The following THBS1 variants were observed in gnomAD, a reference collection of about 807,000 sequenced individuals.
The protein encoded by THBS1 is thrombospondin 1.
Under a neutral mutation model 126.1 loss-of-function variants are expected in THBS1, and 29 were observed. That is an observed-to-expected ratio of 0.23 (90% confidence interval 0.17 to 0.31). The LOEUF is 0.31. Ranked by LOEUF, THBS1 falls within the 10% of genes least tolerant of loss-of-function variation. The pLI is 1.00. For missense variants in THBS1, 1,198 were observed against 1,545.2 expected (o/e 0.78, Z 3.77); for synonymous variants, 496 against 577.8 (o/e 0.86, Z 2.03).
At chr15:39,590,462 A>G (rs1890304852) in intron 13 of THBS1, 54 bp from the exon 14 acceptor site, 1 of 1,390,476 alleles carries the variant, frequency 7.2e-7, no homozygotes, top group African/African-American at 1.4e-5. Context: ...CTCGTGCATG[A>G]GCTCAGCATG....
chr15:39,592,507 G>A lies in THBS1; in HGVS notation c.2533-61G>A. 1 of 1,408,956 alleles carries A rather than the reference G, an allele frequency of 7.1e-7. No individual in the cohort carries two copies. Among genetic ancestry groups the A allele is most frequent in the South Asian group, 1.4e-5 (1 of 73,184 alleles). 87.3% of individuals were successfully genotyped at this position (1,408,956 alleles called of 1,614,324 possible). A position where few individuals can be genotyped will look rare whatever the true frequency, so the allele number is the denominator to read the frequency against. On this transcript the variant is annotated intron_variant, in intron 16 of 21. Transcript: ENST00000260356. This position sits in a 1 kb window ranked among gnomAD's most constrained non-coding sequence, Gnocchi z 4.3. ...AATTTTCCCTGTGGTGGGGGCATAA[G>A]TTATCTTTAACATGAATGGTTTATA...
Position 39,594,105 on chromosome 15 carries a change from A to T in THBS1, c.3274A>T (p.Thr1092Ser), listed in dbSNP as rs1372816536. The part of the protein sequence containing the change: ...HTGNTPGQVR[T>S]LWHDPRHIGW... ...CCTTTTCCTTTTCCTTCAGGTGCGCACCCTGTGGCATGACCCTCGTCACAT... is the reference window on the plus strand; with the variant it reads ...CCTTTTCCTTTTCCTTCAGGTGCGCTCCCTGTGGCATGACCCTCGTCACAT... The change falls in exon 20 of 22, where the codon ACC (threonine) becomes TCC (serine). Residue 1092 changes from threonine to serine, a missense_variant. Transcript: ENST00000260356. The surrounding 1 kb of genome is among the most constrained non-coding windows in gnomAD (Gnocchi z 4.4). The T allele has an allele frequency of 5.6e-6, 9 of 1,613,538 alleles. No individual in the cohort carries two copies. The highest frequency in any genetic ancestry group is 7.6e-6 in the Non-Finnish European group (9 of 1,179,734).
intron 6 of THBS1, among the ~76,000 whole-genome samples, chr15:39,584,934 C>A (rs560027035): frequency 1.3e-5 from 2 of 152,304 alleles, no homozygotes; most frequent in African/African-American, 4.8e-5. Context: ...TGGAGGTTCA[C>A]CTGGCTTATC....
Position 39,592,942 on chromosome 15 carries a change from AC to A in THBS1, c.2768-56del. On this transcript the variant is annotated intron_variant, in intron 17 of 21. Transcript: ENST00000260356. The surrounding 1 kb of genome is among the most constrained non-coding windows in gnomAD (Gnocchi z 4.3). ...TAGACAAGATAGTGACATTTCTGACACCAGTAATAATAATAGCACTTTAGAA... is the reference window on the plus strand; with the variant it reads ...TAGACAAGATAGTGACATTTCTGACACAGTAATAATAATAGCACTTTAGAA... The A allele has an allele frequency of 6.4e-7, 1 of 1,571,120 alleles. No homozygotes were observed. Among genetic ancestry groups the A allele is most frequent in the Non-Finnish European group, 8.7e-7 (1 of 1,147,518 alleles).
intron 1 of THBS1, chr15:39,581,598 T>C (rs1428519829): frequency 6.9e-6 from 3 of 435,596 alleles, no homozygotes; most frequent in Non-Finnish European, 1.2e-5. Context: ...ATTGTTGGTC[T>C]TGCGCCCCCC....
At position 39,592,978 on chromosome 15, in the gene THBS1, A is replaced by C. The variant is rs1890357011; in HGVS notation, c.2768-22A>C. 6.2e-7 allele frequency: 1 copy of C among 1,610,954 alleles called. No homozygotes were observed. The highest frequency in any genetic ancestry group is 1.7e-5 in the Admixed American group (1 of 59,910). ...TAATAGCACTTTAGAATTTTGCTGA[A>C]CTCTTGCTTTTTTGACCTCAGGCGA... On this transcript the variant is annotated intron_variant, in intron 17 of 21. Transcript: ENST00000260356. The surrounding 1 kb of genome is among the most constrained non-coding windows in gnomAD (Gnocchi z 4.3).
At position 39,594,780 on chromosome 15, in the gene THBS1, T is replaced by A. The variant is rs1391233002; in HGVS notation, c.3505+340T>A. Among the ~76,000 whole-genome samples, 1 of 152,244 alleles carries A rather than the reference T, an allele frequency of 6.6e-6. No homozygotes were observed. Among genetic ancestry groups the A allele is most frequent in the Non-Finnish European group, 1.5e-5 (1 of 68,040 alleles). ...TTATATATCTTACTGCTTATTGTTT[T>A]ATGCATGCCATCACAGCACGAGTTA... On this transcript the variant is annotated intron_variant, in intron 21 of 21. Coordinates refer to ENST00000260356, the MANE Select transcript of THBS1 (RefSeq NM_003246.4). This position sits in a 1 kb window ranked among gnomAD's most constrained non-coding sequence, Gnocchi z 4.4.
Position 39,588,591 on chromosome 15 carries a change from C to A in THBS1, c.1537C>A (p.Gln513Lys), listed in dbSNP as rs919410157. 1 of 1,609,460 alleles carries A rather than the reference C, an allele frequency of 6.2e-7. No homozygotes were observed. ...ICSVTCGGGVQKRSRLCNNPT... is the reference protein window; with the variant it reads ...ICSVTCGGGVKKRSRLCNNPT... Reference sequence around the variant, plus strand: ...TTCTGTCACCTGTGGAGGAGGGGTACAGAAACGTAGTCGTCTCTGCAACAA... The same window carrying A: ...TTCTGTCACCTGTGGAGGAGGGGTAAAGAAACGTAGTCGTCTCTGCAACAA... Residue 513 changes from glutamine (Q) to lysine (K), a missense_variant, in exon 10 of 22, where the codon CAG becomes AAG. Gln to Lys is a moderately conservative substitution (Grantham distance 53, BLOSUM62 1). Transcript: ENST00000260356.
intron 14 of THBS1, 171 bp from the exon 15 acceptor site, chr15:39,591,020 G>A (rs1890315951): frequency 1.3e-5 from 9 of 710,170 alleles, no homozygotes; most frequent in African/African-American, 1.8e-5. Context: ...TTTTAACTAT[G>A]TCCTTTTAAC....
In THBS1 at chr15:39,593,498, A is replaced by T. The variant is rs1303307527; in HGVS notation, c.3097A>T (p.Ser1033Cys). Residue 1033 changes from serine (S) to cysteine (C), a missense_variant, in exon 19 of 22, where the codon AGC becomes TGC. Ser to Cys is a moderately radical substitution (Grantham distance 112, BLOSUM62 -1). This residue lies in a region of THBS1 where 255 missense variants were observed against 373.9 expected (regional missense o/e 0.68). Transcript: ENST00000260356. This position sits in a 1 kb window ranked among gnomAD's most constrained non-coding sequence, Gnocchi z 5.9. ...ATTTGTCTTTGGCTACCAGTCCAGC[A>T]GCCGCTTTTATGTTGTGATGTGGAA... ...AGFVFGYQSS[S>C]RFYVVMWKQV... The T allele has an allele frequency of 1.9e-6, 3 of 1,614,104 alleles. No individual in the cohort carries two copies. Among genetic ancestry groups the T allele is most frequent in the Non-Finnish European group, 2.5e-6 (3 of 1,180,050 alleles).
intron 3 of THBS1, 116 bp from the exon 4 acceptor site, chr15:39,583,501 C>T: frequency 1.3e-6 from 1 of 789,182 alleles, no homozygotes; most frequent in South Asian, 2.2e-5. Flanking sequence ...TAAGACAGCT[C>T]TTTGAAGCTT....
At position 39,593,839 on chromosome 15, in the gene THBS1, C is replaced by T; in HGVS notation, c.3267+171C>T. Reference sequence around the variant, plus strand: ...AAACATAATAGTGTTGAAAAGGGAGCTTGACCAAGAATTGCCCTGCAAATC... The same window carrying T: ...AAACATAATAGTGTTGAAAAGGGAGTTTGACCAAGAATTGCCCTGCAAATC... On this transcript the variant is annotated intron_variant, in intron 19 of 21. Transcript: ENST00000260356. The surrounding 1 kb of genome is among the most constrained non-coding windows in gnomAD (Gnocchi z 5.9). 2.7e-6 allele frequency: 3 copies of T among 1,129,098 alleles called. No homozygotes were observed. The highest frequency in any genetic ancestry group is 2.5e-6 in the Non-Finnish European group (2 of 812,238). 69.9% of individuals were successfully genotyped at this position (1,129,098 alleles called of 1,614,324 possible).
intron 13 of THBS1, 68 bp from the exon 14 acceptor site, chr15:39,590,448 C>A: frequency 8.1e-7 from 1 of 1,236,416 alleles, no homozygotes; most frequent in Non-Finnish European, 1.1e-6. Flanking sequence ...TCCAGGTACA[C>A]TCCCTCGTGC....
chr15:39,581,943 T>C lies in THBS1; in HGVS notation c.67+19T>C. 2 of 1,613,736 alleles carry C rather than the reference T, an allele frequency of 1.2e-6. No individual in the cohort carries two copies. The highest frequency in any genetic ancestry group is 2.2e-5 in the South Asian group (2 of 91,066). ...ATTCCAGGTGAGTTTGTGTGGCACC[T>C]TTAGGGGAAGGAGGGACAAGGAAGA... On this transcript the variant is annotated intron_variant, in intron 2 of 21. Coordinates refer to ENST00000260356, the MANE Select transcript of THBS1 (RefSeq NM_003246.4).
rs758840455 is a variant in THBS1 at position 39,591,340 on chromosome 15, T to C, written c.2403T>C (p.Ile801=). The change falls in exon 15 of 22, where the codon ATT becomes ATC. Residue 801 remains isoleucine (I), a synonymous_variant. Transcript: ENST00000260356. The stretch of plus-strand genomic sequence containing the variant: ...AAGGAGACGCCTGTGCTGCAGACAT[T>C]GATGGAGACGGTAAGGTGCTGCCTG... The part of the protein sequence containing the change: ...NGEGDACAAD[I]DGDGILNERD... 2 of 1,613,746 alleles carry C rather than the reference T, an allele frequency of 1.2e-6. No individual in the cohort carries two copies. Among genetic ancestry groups the C allele is most frequent in the South Asian group, 2.2e-5 (2 of 90,974 alleles).
intron 7 of THBS1, chr15:39,587,104 G>T: frequency 3.0e-6 from 1 of 336,936 alleles, no homozygotes; most frequent in African/African-American, 2.1e-5. Context: ...AAAAGTAACT[G>T]TAAGATGATG....
Position 39,593,826 on chromosome 15 carries a change from G to C in THBS1, c.3267+158G>C. On this transcript the variant is annotated intron_variant, in intron 19 of 21. Coordinates refer to ENST00000260356, the MANE Select transcript of THBS1 (RefSeq NM_003246.4). This position sits in a 1 kb window ranked among gnomAD's most constrained non-coding sequence, Gnocchi z 5.9. Reference sequence around the variant, plus strand: ...CTCTGCTTTGTAAAAACATAATAGTGTTGAAAAGGGAGCTTGACCAAGAAT... The same window carrying C: ...CTCTGCTTTGTAAAAACATAATAGTCTTGAAAAGGGAGCTTGACCAAGAAT... 2.5e-6 allele frequency: 3 copies of C among 1,197,804 alleles called. No individual in the cohort carries two copies. Among genetic ancestry groups the C allele is most frequent in the Non-Finnish European group, 3.5e-6 (3 of 868,482 alleles). 74.2% of individuals were successfully genotyped at this position (1,197,804 alleles called of 1,614,324 possible). A position where few individuals can be genotyped will look rare whatever the true frequency, so the allele number is the denominator to read the frequency against.
Position 39,594,480 on chromosome 15 carries a change from T to C in THBS1, c.3505+40T>C. 6.2e-7 allele frequency: 1 copy of C among 1,603,826 alleles called. No homozygotes were observed. The highest frequency in any genetic ancestry group is 8.5e-7 in the Non-Finnish European group (1 of 1,175,682). On this transcript the variant is annotated intron_variant, in intron 21 of 21. Transcript: ENST00000260356. This position sits in a 1 kb window ranked among gnomAD's most constrained non-coding sequence, Gnocchi z 4.4. ...ACCATGAATGTACACTGGACATCTC[T>C]ATTTCAGACTAATATCAAGGATGAC...
In THBS1 at chr15:39,594,292, T is replaced by C. The variant is rs773339138; in HGVS notation, c.3366-9T>C. On this transcript the variant is annotated splice_polypyrimidine_tract_variant and intron_variant, in intron 20 of 21. Coordinates refer to ENST00000260356, the MANE Select transcript of THBS1 (RefSeq NM_003246.4). This position sits in a 1 kb window ranked among gnomAD's most constrained non-coding sequence, Gnocchi z 4.4. ...CATTGTCACTAAACAAGATTTTTTT[T>C]CCCTGCAGAGTGGTGATGTATGAAG... The C allele has an allele frequency of 3.7e-6, 6 of 1,614,016 alleles. No individual in the cohort carries two copies. Among genetic ancestry groups the C allele is most frequent in the East Asian group, 2.2e-5 (1 of 44,880 alleles).
Sources: gnomAD v4.1 joint callset for allele counts (sites outside exome capture counted in the v4.1 genomes callset) on GRCh38, gnomAD v4.1.1 for gene constraint, gnomAD v4.1.1 regional missense constraint, Gnocchi (gnomAD v3.1) non-coding constraint, MANE v1.5 for transcripts, NCBI Gene and HGNC (gene_info 2026-07-23, HGNC 2026-07-21) for gene names.